The following DLGAP2 variants were observed in gnomAD, a reference collection of about 807,000 sequenced individuals.
The protein encoded by DLGAP2 is disks large-associated protein 2.
A neutral mutation model predicts 100.3 loss-of-function variants in DLGAP2; 26 were observed. The observed-to-expected ratio is 0.26, with a 90% CI of 0.19 to 0.36. The LOEUF (loss-of-function observed/expected upper bound fraction) is 0.36, where lower values mean the gene tolerates loss of function less well. Among genes scored for constraint, DLGAP2 ranks in the 10% least tolerant of loss-of-function variants. The probability of loss-of-function intolerance (pLI) is 1.00; values close to 1 mark genes in which losing one functional copy is unlikely to be tolerated. For synonymous variants in DLGAP2, 886 were observed against 630.1 expected (o/e 1.41, Z -6.08); for missense variants, 1,858 against 1,453.2 (o/e 1.28, Z -4.53).
intron 2 of DLGAP2, among the ~76,000 whole-genome samples, chr8:1,171,661 C>G (rs969941536): frequency 6.6e-6 from 1 of 152,156 alleles, no homozygotes; most frequent in African/African-American, 2.4e-5. Context: ...CAACTTTGAT[C>G]TTTGTTGGTT....
intron 4 of DLGAP2, among the ~76,000 whole-genome samples, chr8:1,547,886 C>T (rs752800607): frequency 7.9e-5 from 12 of 152,154 alleles, no homozygotes; most frequent in Non-Finnish European, 1.6e-4. Context: ...ACTGAACAAA[C>T]GATTTCACGA....
intron 2 of DLGAP2, among the ~76,000 whole-genome samples, chr8:1,229,254 G>C (rs2116829893): frequency 6.6e-6 from 1 of 152,074 alleles, no homozygotes; most frequent in South Asian, 2.1e-4. Flanking sequence ...ATAGAAAGAG[G>C]AGTTCTTCTA....
intron 1 of DLGAP2, among the ~76,000 whole-genome samples, chr8:798,773 G>C (rs1796088075): frequency 7.2e-6 from 1 of 139,850 alleles, no homozygotes; most frequent in African/African-American, 2.7e-5. Flanking sequence ...GTTGAGTCAG[G>C]ACCTGCAGCC....
At chr8:987,224 C>T (rs1162716237) in intron 2 of DLGAP2, among the ~76,000 whole-genome samples, 5 of 152,042 alleles carry the variant, frequency 3.3e-5, no homozygotes, top group East Asian at 1.9e-4. Flanking sequence ...TGGCCGGGGT[C>T]GCCTGAGATC....
chr8:899,487 C>T (rs182842415), intron 1 of DLGAP2, among the ~76,000 whole-genome samples: 6 of 152,274 alleles, frequency 3.9e-5, no homozygotes, highest in East Asian at 1.9e-4. Flanking sequence ...GACTGGCCTG[C>T]GAGAGGCAGA....
chr8:759,806 C>T (rs957583322), intron 1 of DLGAP2, among the ~76,000 whole-genome samples: 1 of 152,182 alleles, frequency 6.6e-6, no homozygotes, highest in Non-Finnish European at 1.5e-5. Flanking sequence ...TGAAACGTTG[C>T]TTTTAGTTCT....
At chr8:1,161,465 A>C (rs1242668047) in intron 2 of DLGAP2, among the ~76,000 whole-genome samples, 1 of 152,188 alleles carries the variant, frequency 6.6e-6, no homozygotes, top group Non-Finnish European at 1.5e-5. Context: ...CGATCTTGCA[A>C]ACTGGCCTAA....
intron 2 of DLGAP2, among the ~76,000 whole-genome samples, chr8:1,036,936 C>A (rs963342837): frequency 6.6e-6 from 1 of 151,746 alleles, no homozygotes; most frequent in Non-Finnish European, 1.5e-5. Flanking sequence ...CGGCACAGTT[C>A]CTAAAGTCCG....
intron 3 of DLGAP2, chr8:1,259,435 G>A (rs1269600586): frequency 6.6e-6 from 1 of 152,348 alleles, no homozygotes; most frequent in East Asian, 1.9e-4. Flanking sequence ...GTGAAAGCCA[G>A]CATTGGTGTA....
chr8:1,068,794 G>T (rs1316772602), intron 2 of DLGAP2, among the ~76,000 whole-genome samples: 1 of 151,886 alleles, frequency 6.6e-6, no homozygotes, highest in Non-Finnish European at 1.5e-5. Context: ...TCCTGTGAGT[G>T]TTCCCAGGGA....
intron 12 of DLGAP2, among the ~76,000 whole-genome samples, chr8:1,690,079 G>C (rs113088634): frequency 6.6e-6 from 1 of 152,164 alleles, no homozygotes; most frequent in African/African-American, 2.4e-5. Flanking sequence ...GTGTGGGGCC[G>C]GGTGCGGTGG....
rs117540292 is a variant in DLGAP2 at position 1,517,773 on chromosome 8, C to G, written c.172+16342C>G. On this transcript the variant is annotated intron_variant, in intron 4 of 14. Transcript: ENST00000637795. ...GTGGAAATAGGCAAGAAGTCGATGTCCAGCTGCTTGTTGGATTAGGGATCA... is the reference window on the plus strand; with the variant it reads ...GTGGAAATAGGCAAGAAGTCGATGTGCAGCTGCTTGTTGGATTAGGGATCA... Among the ~76,000 whole-genome samples the G allele has an allele frequency of 9.1e-3, 1,392 of 152,286 alleles. 12 individuals are homozygous for G. The highest frequency in any genetic ancestry group is 0.023 in the South Asian group (110 of 4,826).
chr8:1,301,071 A>G (rs894009917), intron 3 of DLGAP2: 1 of 152,400 alleles, frequency 6.6e-6, no homozygotes, highest in African/African-American at 2.4e-5. Flanking sequence ...GCTGAGTAAC[A>G]GAACTGTCTG....
chr8:1,314,957 G>A (rs2117022375), intron 3 of DLGAP2, among the ~76,000 whole-genome samples: 1 of 152,346 alleles, frequency 6.6e-6, no homozygotes, highest in East Asian at 1.9e-4. Flanking sequence ...GATGCCCTCT[G>A]AAAGGGTGAC....
chr8:1,049,618 A>G (rs1275916795), intron 2 of DLGAP2, among the ~76,000 whole-genome samples: 3 of 152,118 alleles, frequency 2.0e-5, no homozygotes, highest in Non-Finnish European at 4.4e-5. Flanking sequence ...AATAACCACT[A>G]TTGACAGTGT....
chr8:1,186,398 C>A lies in DLGAP2; in HGVS notation c.74-72453C>A, dbSNP rs117678158. Among the ~76,000 whole-genome samples the A allele has an allele frequency of 3.7e-4, 56 of 152,304 alleles. No homozygotes were observed. The East Asian group carries it at 0.011, about 29-fold the overall frequency. ...GCAAAACTGTGACCAGGCAGAGAAA[C>A]GGGTGGGGGACAGTTCCCAGGCCTC... On this transcript the variant is annotated intron_variant, in intron 2 of 14. Transcript: ENST00000637795.
At chr8:1,172,688 C>T (rs1038870366) in intron 2 of DLGAP2, among the ~76,000 whole-genome samples, 1 of 152,162 alleles carries the variant, frequency 6.6e-6, no homozygotes, top group Non-Finnish European at 1.5e-5. Flanking sequence ...GCTCCTGGGG[C>T]TTCTGCATTC....
chr8:944,771 T>C (rs748790825), intron 2 of DLGAP2, among the ~76,000 whole-genome samples: 2 of 151,554 alleles, frequency 1.3e-5, no homozygotes, highest in Non-Finnish European at 2.9e-5. Flanking sequence ...AACTGATCCA[T>C]GTGGGTGATC....
intron 2 of DLGAP2, among the ~76,000 whole-genome samples, chr8:1,173,891 C>G (rs1797190237): frequency 6.6e-6 from 1 of 152,232 alleles, no homozygotes; most frequent in Non-Finnish European, 1.5e-5. Flanking sequence ...CACCCACTGA[C>G]CTGCGCCCAC....
Sources: gnomAD v4.1 joint callset for allele counts (sites outside exome capture counted in the v4.1 genomes callset) on GRCh38, gnomAD v4.1.1 for gene constraint, MANE v1.5 for transcripts, NCBI Gene and HGNC (gene_info 2026-07-23, HGNC 2026-07-21) for gene names.